The following LGSN variants were observed in gnomAD, a reference collection of about 807,000 sequenced individuals.
The protein encoded by LGSN is lengsin.
LGSN carries 21 observed loss-of-function variants against 19.5 expected under a neutral mutation model. That is an observed-to-expected ratio of 1.07 (90% confidence interval 0.76 to 1.55). The LOEUF (loss-of-function observed/expected upper bound fraction) is 1.55. LGSN is among the 40% of genes most tolerant of loss of function. The pLI is 0.00. For missense variants in LGSN, 673 were observed against 608.5 expected (o/e 1.11, Z -1.12); for synonymous variants, 257 against 215.6 (o/e 1.19, Z -1.68).
chr6:63,441,782 C>T, the LGSN span: 1 of 358,198 alleles, frequency 2.8e-6, no homozygotes. Context: ...CCCCCGGAAG[C>T]ACACTCGTTT....
the LGSN span, among the ~76,000 whole-genome samples, chr6:63,494,495 C>T: frequency 6.6e-6 from 1 of 152,058 alleles, no homozygotes; most frequent in Non-Finnish European, 1.5e-5. Context: ...TTTTGTGGCT[C>T]AAATTTCTGA....
chr6:63,500,443 C>T, the LGSN span, among the ~76,000 whole-genome samples: 63 of 151,632 alleles, frequency 4.2e-4, no homozygotes, highest in African/African-American at 5.6e-4. Flanking sequence ...TTTTTTGAGA[C>T]GGAGTTTCAC....
the LGSN span, among the ~76,000 whole-genome samples, chr6:63,453,216 T>C: frequency 6.6e-6 from 1 of 152,274 alleles, no homozygotes; most frequent in South Asian, 2.1e-4. Flanking sequence ...TGGAATATGG[T>C]CTATCTTGGT....
At chr6:63,283,587 G>T (rs1290143586) in intron 3 of LGSN, among the ~76,000 whole-genome samples, 1 of 148,668 alleles carries the variant, frequency 6.7e-6, no homozygotes, top group African/African-American at 2.5e-5. Context: ...ACACACACAT[G>T]CAATGTTTAG....
At chr6:63,529,433 A>G in the LGSN span, among the ~76,000 whole-genome samples, 5 of 152,116 alleles carry the variant, frequency 3.3e-5, no homozygotes, top group Non-Finnish European at 5.9e-5. Context: ...AGGCAAAATA[A>G]TTGTCCAGAT....
chr6:63,370,799 G>A, the LGSN span, among the ~76,000 whole-genome samples: 2 of 152,202 alleles, frequency 1.3e-5, no homozygotes, highest in African/African-American at 4.8e-5. Context: ...CCCATGCCAA[G>A]AAAGCACAAT....
the LGSN span, among the ~76,000 whole-genome samples, chr6:63,520,024 C>T: frequency 6.6e-6 from 1 of 152,172 alleles, no homozygotes; most frequent in African/African-American, 2.4e-5. Context: ...TATAATTTTT[C>T]GAGGAGCCTC....
intron 1 of LGSN, among the ~76,000 whole-genome samples, chr6:63,314,137 A>G (rs747298565): frequency 3.3e-5 from 5 of 152,258 alleles, no homozygotes; most frequent in Middle Eastern, 6.8e-3. Context: ...CACAAACCAT[A>G]CAGTAAACCC....
At chr6:63,419,717 G>A in the LGSN span, among the ~76,000 whole-genome samples, 4 of 150,704 alleles carry the variant, frequency 2.7e-5, no homozygotes, top group South Asian at 4.2e-4. Flanking sequence ...GGTGAAACCC[G>A]TCTCTACTAA....
the LGSN span, among the ~76,000 whole-genome samples, chr6:63,522,326 C>G: frequency 5.9e-3 from 903 of 152,244 alleles, 10 homozygotes; most frequent in African/African-American, 0.02. Context: ...AAACCATATT[C>G]ATGATGTAAA....
At chr6:63,401,688 G>A in the LGSN span, among the ~76,000 whole-genome samples, 3 of 152,212 alleles carry the variant, frequency 2.0e-5, no homozygotes, top group Non-Finnish European at 4.4e-5. Flanking sequence ...GGGCGTGTAG[G>A]TGAAAATTGT....
the LGSN span, among the ~76,000 whole-genome samples, chr6:63,469,469 C>A: frequency 6.6e-6 from 1 of 152,034 alleles, no homozygotes; most frequent in Non-Finnish European, 1.5e-5. Context: ...GTCAGTGGAC[C>A]AGGACCACCA....
the LGSN span, among the ~76,000 whole-genome samples, chr6:63,342,820 C>T: frequency 6.6e-6 from 1 of 152,330 alleles, no homozygotes; most frequent in Non-Finnish European, 1.5e-5. Context: ...TGGCCCTAGC[C>T]TATGTCAGCT....
chr6:63,462,452 A>G, the LGSN span, among the ~76,000 whole-genome samples: 7 of 152,180 alleles, frequency 4.6e-5, no homozygotes, highest in Non-Finnish European at 7.4e-5. Context: ...GGGCAACATG[A>G]TGAAACCCTA....
the LGSN span, among the ~76,000 whole-genome samples, chr6:63,409,586 T>C: frequency 6.6e-6 from 1 of 152,212 alleles, no homozygotes; most frequent in Admixed American, 6.5e-5. Context: ...TTAATAGCTG[T>C]ATAATTTAAG....
At chr6:63,567,584 A>G in the LGSN span, among the ~76,000 whole-genome samples, 185 of 152,338 alleles carry the variant, frequency 1.2e-3, 3 homozygotes, top group African/African-American at 4.3e-3. Context: ...AGCACAGCAG[A>G]GTAGATTTAG....
chr6:63,299,912 G>A (rs868607078), intron 1 of LGSN, among the ~76,000 whole-genome samples: 86 of 152,242 alleles, frequency 5.6e-4, no homozygotes, highest in African/African-American at 2.0e-3. Flanking sequence ...TGCTGCTTCT[G>A]TCAAATTTTG....
the LGSN span, among the ~76,000 whole-genome samples, chr6:63,529,706 G>T: frequency 4.6e-5 from 7 of 152,270 alleles, no homozygotes; most frequent in Middle Eastern, 0.01. Flanking sequence ...CAAGGGTGGA[G>T]GAAAAGGTTA....
At chr6:63,284,155 C>G (rs73432870) in intron 3 of LGSN, among the ~76,000 whole-genome samples, 2,101 of 152,068 alleles carry the variant, frequency 0.014, 58 homozygotes, top group African/African-American at 0.048. Flanking sequence ...AATATAGATA[C>G]TCTATGATCA....
Sources: allele counts gnomAD v4.1 joint callset (sites outside exome capture counted in the v4.1 genomes callset), GRCh38; gene constraint gnomAD v4.1.1; transcripts MANE v1.5; gene names NCBI Gene and HGNC (gene_info 2026-07-23, HGNC 2026-07-21).